The following HCN1 variants were observed in gnomAD, a reference collection of about 807,000 sequenced individuals.
The protein encoded by HCN1 is hyperpolarization activated cyclic nucleotide gated potassium channel 1.
Under a neutral mutation model 78.9 loss-of-function variants are expected in HCN1, and 13 were observed. The ratio of observed to expected loss-of-function variants is 0.16; its 90% confidence interval spans 0.11 to 0.26. The LOEUF is 0.26. Ranked by LOEUF, HCN1 falls within the 10% of genes least tolerant of loss-of-function variation. HCN1 has a pLI of 1.00. For synonymous variants in HCN1, 552 were observed against 455.5 expected, an observed-to-expected ratio of 1.21 and a Z score of -2.70; for missense variants, 810 against 1,154.3, an observed-to-expected ratio of 0.70 and a Z score of 4.32.
rs534688990 is a variant in HCN1 at position 45,416,642 on chromosome 5, A to G, written c.1012-19932T>C. On this transcript the variant is annotated intron_variant, in intron 3 of 7. Transcript: ENST00000303230. ...CAAACGCATAAATACACAGTACTAT[A>G]TATATGCTATTATTGTTTAGCCTTA... Among the ~76,000 whole-genome samples the G allele has an allele frequency of 5.3e-5, 8 of 152,108 alleles. No homozygotes were observed. The South Asian group carries it at 1.7e-3, about 31-fold the overall frequency.
chr5:45,462,038 T>C, intron 2 of HCN1, 31 bp from the exon 3 acceptor site: 2 of 1,585,106 alleles, frequency 1.3e-6, no homozygotes, highest in Non-Finnish European at 8.6e-7. Flanking sequence ...TCAATTCTTA[T>C]AATCAATTTT....
At chr5:45,375,504 GATC>G (rs1325898558) in intron 4 of HCN1, among the ~76,000 whole-genome samples, 2 of 52,140 alleles carry the variant, frequency 3.8e-5, no homozygotes, top group Admixed American at 6.7e-4. Context: ...TTATATATAA[GATC>G]ATATTTTATG....
At chr5:45,612,052 A>G (rs1744849899) in intron 2 of HCN1, among the ~76,000 whole-genome samples, 1 of 152,342 alleles carries the variant, frequency 6.6e-6, no homozygotes, top group Admixed American at 6.5e-5. Context: ...CCTTTGACAT[A>G]CAGAGTAACA....
intron 1 of HCN1, among the ~76,000 whole-genome samples, chr5:45,688,258 T>C (rs1342962488): frequency 6.6e-6 from 1 of 152,144 alleles, no homozygotes; most frequent in East Asian, 1.9e-4. Flanking sequence ...TGGAGAATTA[T>C]TTATACTGGC....
chr5:45,599,708 G>GA (rs1744585023), intron 2 of HCN1, among the ~76,000 whole-genome samples: 1 of 151,966 alleles, frequency 6.6e-6, no homozygotes, highest in East Asian at 1.9e-4. Context: ...CTATTGTTGT[G>GA]AAAAAAAGTT....
chr5:45,550,932 T>C, intron 2 of HCN1, among the ~76,000 whole-genome samples: 1 of 152,090 alleles, frequency 6.6e-6, no homozygotes, highest in South Asian at 2.1e-4. Flanking sequence ...GCAGCTAATT[T>C]CCATTTCTAT....
At chr5:45,569,138 G>T (rs1189611639) in intron 2 of HCN1, among the ~76,000 whole-genome samples, 2 of 152,062 alleles carry the variant, frequency 1.3e-5, no homozygotes, top group Admixed American at 1.3e-4. Context: ...TCCAGCTAAT[G>T]ACCTTTAGAT....
intron 6 of HCN1, among the ~76,000 whole-genome samples, chr5:45,288,902 A>G (rs567215199): frequency 6.6e-6 from 1 of 152,152 alleles, no homozygotes; most frequent in East Asian, 1.9e-4. Flanking sequence ...GAAAGGAGCA[A>G]GCTAGAGACA....
intron 2 of HCN1, among the ~76,000 whole-genome samples, chr5:45,498,680 G>A (rs190215850): frequency 5.8e-4 from 88 of 152,236 alleles, no homozygotes; most frequent in African/African-American, 1.7e-3. Flanking sequence ...AGAGTTTCCA[G>A]TTTTTCTGCT....
chr5:45,491,407 T>C (rs1489714647), intron 2 of HCN1, among the ~76,000 whole-genome samples: 3 of 152,058 alleles, frequency 2.0e-5, no homozygotes, highest in African/African-American at 4.8e-5. Context: ...ATGATATCAG[T>C]TGAAACATTA....
At chr5:45,635,834 A>G (rs532711290) in intron 2 of HCN1, among the ~76,000 whole-genome samples, 1 of 152,276 alleles carries the variant, frequency 6.6e-6, no homozygotes, top group African/African-American at 2.4e-5. Context: ...TGCCTCATAA[A>G]TTGACTTTCT....
intron 2 of HCN1, among the ~76,000 whole-genome samples, chr5:45,496,121 G>T (rs1245619317): frequency 2.6e-5 from 4 of 152,094 alleles, no homozygotes; most frequent in Non-Finnish European, 5.9e-5. Flanking sequence ...CTCATAAAAT[G>T]AGTTAGGGAG....
chr5:45,357,304 C>G (rs138014586), intron 4 of HCN1, among the ~76,000 whole-genome samples: 321 of 152,094 alleles, frequency 2.1e-3, no homozygotes, highest in African/African-American at 7.3e-3. Context: ...GGTTGAACTC[C>G]TCTAGTTGGA....
chr5:45,495,154 G>A lies in HCN1; in HGVS notation c.850-33147C>T, dbSNP rs1272437498. Among the ~76,000 whole-genome samples the A allele has an allele frequency of 2.4e-5, 3 of 126,024 alleles. No individual in the cohort carries two copies. In the East Asian group the frequency reaches 6.6e-4, roughly 28 times the overall value. 82.7% of individuals were successfully genotyped at this position (126,024 alleles called of 152,430 possible). A position where few individuals can be genotyped will look rare whatever the true frequency, so the allele number is the denominator to read the frequency against. On this transcript the variant is annotated intron_variant, in intron 2 of 7. Transcript: ENST00000303230. ...CTGTGAAGAAAGTCATTGGTAGCTT[G>A]ATGGGGATGGCATTGAATCTATAAA...
intron 5 of HCN1, among the ~76,000 whole-genome samples, chr5:45,324,583 A>G (rs1267617317): frequency 1.3e-5 from 2 of 151,790 alleles, no homozygotes; most frequent in Non-Finnish European, 2.9e-5. Context: ...CTAAAGTAAG[A>G]TTTTTCAATA....
chr5:45,262,366 G>GGCTGGGACTGCTGTACCTGCTGCT lies in HCN1; in HGVS notation c.2204_2227dup (p.Gln735_Gln742dup). ...CGGCTGCTGTGGCTGAGTCTGCGGC[G>GGCTGGGACTGCTGTACCTGCTGCT]GCTGGGACTGCTGTACCTGCTGCTG... On this transcript the variant is annotated inframe_insertion, in exon 8 of 8. Coordinates refer to ENST00000303230, the MANE Select transcript of HCN1 (RefSeq NM_021072.4). 1 of 1,612,332 alleles carries GGCTGGGACTGCTGTACCTGCTGCT rather than the reference G, an allele frequency of 6.2e-7. No homozygotes were observed. Among genetic ancestry groups the GGCTGGGACTGCTGTACCTGCTGCT allele is most frequent in the Non-Finnish European group, 8.5e-7 (1 of 1,179,594 alleles).
chr5:45,358,330 T>C (rs1253244292), intron 4 of HCN1, among the ~76,000 whole-genome samples: 1 of 152,136 alleles, frequency 6.6e-6, no homozygotes, highest in Non-Finnish European at 1.5e-5. Flanking sequence ...ACATTTATAT[T>C]GTTTTTATAT....
At chr5:45,523,224 T>A (rs1239035891) in intron 2 of HCN1, among the ~76,000 whole-genome samples, 1 of 152,184 alleles carries the variant, frequency 6.6e-6, no homozygotes. Context: ...TTCCATAGTG[T>A]ATATGTGCCA....
intron 2 of HCN1, among the ~76,000 whole-genome samples, chr5:45,604,667 G>A (rs1390969689): frequency 6.6e-6 from 1 of 151,900 alleles, no homozygotes; most frequent in Admixed American, 6.6e-5. Flanking sequence ...GAATGCTTTA[G>A]CTGTAAGAAC....
Sources: allele counts gnomAD v4.1 joint callset (sites outside exome capture counted in the v4.1 genomes callset), GRCh38; gene constraint gnomAD v4.1.1; transcripts MANE v1.5; gene names NCBI Gene and HGNC (gene_info 2026-07-23, HGNC 2026-07-21).